The following ACOT12 variants were observed in gnomAD, a reference collection of about 807,000 sequenced individuals.
The protein encoded by ACOT12 is acetyl-coenzyme A thioesterase.
Under a neutral mutation model 67.7 loss-of-function variants are expected in ACOT12, and 51 were observed. The ratio of observed to expected loss-of-function variants is 0.75; its 90% CI spans 0.60 to 0.95. The LOEUF (loss-of-function observed/expected upper bound fraction) is 0.95, where lower values mean the gene tolerates loss of function less well. Ranked by LOEUF, ACOT12 falls within the 40% of genes least tolerant of loss-of-function variation. ACOT12 has a pLI of 0.00. For missense variants in ACOT12, 734 were observed against 708.1 expected (o/e 1.04, Z -0.41); for synonymous variants, 251 against 244.6 (o/e 1.03, Z -0.24).
chr5:81,335,333 T>C (rs972788484), intron 12 of ACOT12, among the ~76,000 whole-genome samples: 1 of 152,330 alleles, frequency 6.6e-6, no homozygotes, highest in Admixed American at 6.5e-5. Flanking sequence ...TCTCTCAATA[T>C]CACCTGATGC....
intron 5 of ACOT12, among the ~76,000 whole-genome samples, chr5:81,348,182 C>T (rs1342536676): frequency 6.6e-6 from 1 of 151,906 alleles, no homozygotes; most frequent in Non-Finnish European, 1.5e-5. Context: ...TAAAATAAGT[C>T]TATTGGAATT....
chr5:81,357,697 T>C (rs1759760930), intron 5 of ACOT12, among the ~76,000 whole-genome samples: 1 of 152,116 alleles, frequency 6.6e-6, no homozygotes, highest in South Asian at 2.1e-4. Context: ...TGGATAAACA[T>C]GCACAGATTT....
At chr5:81,382,563 G>A (rs1445736419) in intron 2 of ACOT12, among the ~76,000 whole-genome samples, 2 of 152,038 alleles carry the variant, frequency 1.3e-5, no homozygotes, top group Non-Finnish European at 2.9e-5. Context: ...TTGGGAGGCC[G>A]AGGTGGGTGG....
chr5:81,312,478 A>G, the ACOT12 span: 1 of 1,280,642 alleles, frequency 7.8e-7, no homozygotes, highest in African/African-American at 1.5e-5. Context: ...CCAAACCAAT[A>G]ACAATCTGAG....
intron 12 of ACOT12, among the ~76,000 whole-genome samples, chr5:81,334,325 G>T (rs1322539651): frequency 1.3e-5 from 2 of 152,146 alleles, no homozygotes; most frequent in Admixed American, 6.5e-5. Context: ...CTGAAAGAGC[G>T]CATCGTAACA....
intron 13 of ACOT12, among the ~76,000 whole-genome samples, chr5:81,332,232 T>G (rs1366539967): frequency 6.6e-6 from 1 of 152,216 alleles, no homozygotes; most frequent in African/African-American, 2.4e-5. Context: ...TGAATACCAG[T>G]TTTACATTTA....
At chr5:81,348,394 C>T (rs1445327230) in intron 5 of ACOT12, among the ~76,000 whole-genome samples, 1 of 152,120 alleles carries the variant, frequency 6.6e-6, no homozygotes, top group East Asian at 1.9e-4. Flanking sequence ...TTGTCAATTA[C>T]ACCACAATAA....
At chr5:81,315,279 C>T in the ACOT12 span, among the ~76,000 whole-genome samples, 1 of 152,150 alleles carries the variant, frequency 6.6e-6, no homozygotes, top group African/African-American at 2.4e-5. Context: ...GCCTGAATCT[C>T]AAGTTGCTCT....
rs775737799 is a variant in ACOT12, at chr5:81,330,461, T to C, written c.1601A>G (p.Glu534Gly). The C allele has an allele frequency of 3.1e-6, 5 of 1,614,178 alleles. No individual in the cohort carries two copies. The highest frequency in any genetic ancestry group is 4.2e-6 in the Non-Finnish European group (5 of 1,179,994). Reference protein sequence around the residue: ...NLGGWSKSIEETAASCIQFLE... With the variant: ...NLGGWSKSIEGTAASCIQFLE... ...GAACTGTATACAAGAGGCTGCTGTT[T>C]CTTCAATGGATTTTGACCAGCCACC... The change falls in exon 15 of 15, where the codon GAA becomes GGA. Residue 534 changes from glutamate (E) to glycine (G), a missense_variant. Transcript: ENST00000307624.
At chr5:81,333,626 A>T (rs6881957) in intron 12 of ACOT12, among the ~76,000 whole-genome samples, 8,216 of 152,280 alleles carry the variant, frequency 0.054, 456 homozygotes, top group East Asian at 0.17. Flanking sequence ...TTAAAGCATA[A>T]CACCAAAGTT....
intron 1 of ACOT12, 31 bp downstream of exon 1, chr5:81,393,957 G>T (rs1760935397): frequency 7.7e-7 from 1 of 1,305,230 alleles, no homozygotes; most frequent in Non-Finnish European, 9.7e-7. Flanking sequence ...CCCCGGTCCC[G>T]CGCCTCCCCG....
the ACOT12 span, among the ~76,000 whole-genome samples, chr5:81,319,223 G>A: frequency 1.3e-5 from 2 of 152,188 alleles, no homozygotes; most frequent in Non-Finnish European, 2.9e-5. Flanking sequence ...TATGAAACAG[G>A]TTCCTAGTTG....
intron 2 of ACOT12, among the ~76,000 whole-genome samples, chr5:81,377,881 G>A (rs1361141641): frequency 6.6e-6 from 1 of 152,160 alleles, no homozygotes; most frequent in East Asian, 1.9e-4. Context: ...TGGATAGGAA[G>A]AATCAGTATC....
At chr5:81,372,773 G>A (rs921996773) in intron 2 of ACOT12, among the ~76,000 whole-genome samples, 13 of 152,074 alleles carry the variant, frequency 8.5e-5, no homozygotes, top group Admixed American at 2.6e-4. Context: ...TTTCACTAAT[G>A]TTTACTGAGT....
At chr5:81,354,353 G>A (rs977590462) in intron 5 of ACOT12, among the ~76,000 whole-genome samples, 23 of 152,164 alleles carry the variant, frequency 1.5e-4, no homozygotes, top group Admixed American at 1.5e-3. Flanking sequence ...CACTAATTTA[G>A]ACTATCTCCA....
Position 81,335,815 on chromosome 5 carries a change from A to G in ACOT12, c.1215T>C (p.Arg405=). 3 of 1,614,100 alleles carry G rather than the reference A, an allele frequency of 1.9e-6. No homozygotes were observed. Among genetic ancestry groups the G allele is most frequent in the Non-Finnish European group, 2.5e-6 (3 of 1,179,996 alleles). Residue 405 remains arginine (R), a synonymous_variant, in exon 12 of 15, where the codon CGT becomes CGC. Transcript: ENST00000307624. ...GTCGCTTTGTAAAGTCAGACAAGAG[A>G]CGATAAGCCAAATGTGCTGGACTTC... ...HVGSPAHLAY[R]LLSDFTKRPL...
chr5:81,359,037 T>C (rs1420857022), intron 5 of ACOT12, among the ~76,000 whole-genome samples: 2 of 152,094 alleles, frequency 1.3e-5, no homozygotes, highest in Admixed American at 1.3e-4. Context: ...CCCTTTCCTC[T>C]GGCCTTTCCA....
chr5:81,338,619 G>A (rs1000492415), intron 11 of ACOT12, among the ~76,000 whole-genome samples: 5 of 152,132 alleles, frequency 3.3e-5, no homozygotes, highest in Admixed American at 6.5e-5. Flanking sequence ...AGCAATGTGA[G>A]GATGAACTAA....
Position 81,335,760 on chromosome 5 carries a change from G to T in ACOT12, c.1262+8C>A. 1 of 1,602,398 alleles carries T rather than the reference G, an allele frequency of 6.2e-7. No individual in the cohort carries two copies. The highest frequency in any genetic ancestry group is 8.5e-7 in the Non-Finnish European group (1 of 1,176,846). On this transcript the variant is annotated splice_region_variant and intron_variant, in intron 12 of 14. Coordinates refer to ENST00000307624, the MANE Select transcript of ACOT12 (RefSeq NM_130767.3). ...TTGATTGAGAAAAATTTTTAAATTTGTTCTTACACAAAATGGGGGTCCCAC... is the reference window on the plus strand; with the variant it reads ...TTGATTGAGAAAAATTTTTAAATTTTTTCTTACACAAAATGGGGGTCCCAC...
Sources: allele counts gnomAD v4.1 joint callset (sites outside exome capture counted in the v4.1 genomes callset), GRCh38; gene constraint gnomAD v4.1.1; transcripts MANE v1.5; gene names NCBI Gene and HGNC (gene_info 2026-07-23, HGNC 2026-07-21).